The following SPAST variants were observed in gnomAD, a reference collection of about 807,000 sequenced individuals.
SPAST encodes spastin, also known as spastic paraplegia 4 (autosomal dominant; spastin).
A neutral mutation model predicts 76.6 loss-of-function variants in SPAST; 30 were observed. The ratio of observed to expected loss-of-function variants is 0.39; its 90% CI spans 0.29 to 0.53. The LOEUF (loss-of-function observed/expected upper bound fraction) is 0.53, where lower values mean the gene tolerates loss of function less well. Among genes scored for constraint, SPAST ranks in the 20% least tolerant of loss-of-function variants. The probability of loss-of-function intolerance (pLI) is 0.68; values close to 1 mark genes in which losing one functional copy is unlikely to be tolerated. For missense variants in SPAST, 717 were observed against 770.5 expected (o/e 0.93, Z 0.82); for synonymous variants, 305 against 281.0 (o/e 1.09, Z -0.86).
At chr2:32,069,551 CTT>C (rs36023742) in intron 1 of SPAST, among the ~76,000 whole-genome samples, 2 of 139,612 alleles carry the variant, frequency 1.4e-5, no homozygotes, top group African/African-American at 2.6e-5. Context: ...CATGACTTAT[CTT>C]TTTTTTTTTT....
At position 32,137,118 on chromosome 2, in the gene SPAST, G is replaced by A. The variant is rs1258384624; in HGVS notation, c.1423G>A (p.Ala475Thr). Residue 475 changes from alanine (A) to threonine (T), a missense_variant, in exon 12 of 17, where the codon GCT (alanine) becomes ACT (threonine). Physicochemically the swap from Ala to Thr is moderately conservative, Grantham distance 58. Coordinates refer to ENST00000315285, the MANE Select transcript of SPAST (RefSeq NM_014946.4). Reference protein sequence around the residue: ...FLIEFDGVQSAGDDRVLVMGA... With the variant: ...FLIEFDGVQSTGDDRVLVMGA... ...GATTTTTTGCTTGTAGGTACAGTCT[G>A]CTGGAGATGACAGAGTACTTGTAAT... 2 of 1,613,614 alleles carry A rather than the reference G, an allele frequency of 1.2e-6. No individual in the cohort carries two copies. Among genetic ancestry groups the A allele is most frequent in the South Asian group, 1.1e-5 (1 of 91,070 alleles).
At chr2:32,137,433 G>A (rs1332014971) in intron 12 of SPAST, among the ~76,000 whole-genome samples, 2 of 152,146 alleles carry the variant, frequency 1.3e-5, no homozygotes, top group Non-Finnish European at 2.9e-5. Flanking sequence ...CTTCTGGGTT[G>A]CATTAAATTA....
chr2:32,083,750 C>CTTTTTT (rs1677344896), intron 1 of SPAST, among the ~76,000 whole-genome samples: 1 of 62,870 alleles, frequency 1.6e-5, no homozygotes, highest in African/African-American at 6.3e-5. Context: ...TTTATATATA[C>CTTTTTT]TATATATATA....
intron 7 of SPAST, among the ~76,000 whole-genome samples, chr2:32,119,218 A>G (rs939714214): frequency 1.3e-5 from 2 of 152,162 alleles, no homozygotes; most frequent in African/African-American, 4.8e-5. Flanking sequence ...AGGGAATATT[A>G]TTGTCCTAGC....
chr2:32,064,366 T>C (rs1676424788), intron 1 of SPAST, 120 bp downstream of exon 1: 1 of 936,896 alleles, frequency 1.1e-6, no homozygotes. Flanking sequence ...CCGGAATTGA[T>C]ATGCCCCGGG....
chr2:32,095,493 A>G (rs1677881491), intron 3 of SPAST, among the ~76,000 whole-genome samples: 1 of 151,708 alleles, frequency 6.6e-6, no homozygotes. Flanking sequence ...GCACTTTGGG[A>G]GGTTGAGTCG....
At chr2:32,120,624 T>C (rs1558327322) in intron 7 of SPAST, among the ~76,000 whole-genome samples, 3 of 151,642 alleles carry the variant, frequency 2.0e-5, no homozygotes, top group Non-Finnish European at 4.4e-5. Flanking sequence ...CACCTTCTTC[T>C]TTTCATTCGA....
chr2:32,139,645 T>G (rs912400637), intron 12 of SPAST, among the ~76,000 whole-genome samples: 2 of 151,662 alleles, frequency 1.3e-5, no homozygotes, highest in Non-Finnish European at 2.9e-5. Context: ...CTGACCAACA[T>G]GGTGAAACCC....
intron 3 of SPAST, among the ~76,000 whole-genome samples, chr2:32,097,987 T>G (rs1677985158): frequency 6.6e-6 from 1 of 152,000 alleles, no homozygotes; most frequent in Admixed American, 6.6e-5. Context: ...CGTGAGCCAC[T>G]GCGCCTGGCT....
chr2:32,103,841 G>A (rs974471354), intron 4 of SPAST, among the ~76,000 whole-genome samples: 1 of 152,054 alleles, frequency 6.6e-6, no homozygotes, highest in Admixed American at 6.6e-5. Flanking sequence ...ACAGTTTGTT[G>A]TAATTTCTGT....
chr2:32,119,766 A>G (rs1421023741), intron 7 of SPAST, among the ~76,000 whole-genome samples: 1 of 152,212 alleles, frequency 6.6e-6, no homozygotes, highest in East Asian at 1.9e-4. Context: ...GTAAGACTAC[A>G]TTTTAAAGTA....
intron 1 of SPAST, among the ~76,000 whole-genome samples, chr2:32,085,184 T>A (rs1330557225): frequency 2.0e-5 from 3 of 149,892 alleles, no homozygotes; most frequent in Non-Finnish European, 4.4e-5. Flanking sequence ...AAACTCTTAA[T>A]AATTTCTTTT....
At chr2:32,135,210 A>G (rs1679497832) in intron 9 of SPAST, among the ~76,000 whole-genome samples, 1 of 149,644 alleles carries the variant, frequency 6.7e-6, no homozygotes, top group African/African-American at 2.5e-5. Flanking sequence ...GCTCACTGCA[A>G]GCTCCACCTC....
intron 4 of SPAST, among the ~76,000 whole-genome samples, chr2:32,107,986 C>T (rs1678389309): frequency 6.6e-6 from 1 of 152,060 alleles, no homozygotes; most frequent in Non-Finnish European, 1.5e-5. Context: ...TATACATTGT[C>T]CAATTTTCTA....
intron 3 of SPAST, among the ~76,000 whole-genome samples, chr2:32,095,774 T>TA (rs1441750240): frequency 6.6e-6 from 1 of 151,914 alleles, no homozygotes; most frequent in Non-Finnish European, 1.5e-5. Context: ...TGAGAAAAGA[T>TA]ATGTCAGGAA....
At chr2:32,116,547 C>T (rs1678842838) in intron 7 of SPAST, among the ~76,000 whole-genome samples, 1 of 152,108 alleles carries the variant, frequency 6.6e-6, no homozygotes, top group African/African-American at 2.4e-5. Flanking sequence ...CTCACTGCAA[C>T]CTCTGCGTCC....
chr2:32,148,597 CAGG>C (rs1679971928), intron 16 of SPAST, among the ~76,000 whole-genome samples: 1 of 152,098 alleles, frequency 6.6e-6, no homozygotes, highest in Admixed American at 6.5e-5. Context: ...ATCACGAGGT[CAGG>C]AGATCGAGAC....
At position 32,072,408 on chromosome 2, in the gene SPAST, G is replaced by A. The variant is rs558946898; in HGVS notation, c.415+8162G>A. Among the ~76,000 whole-genome samples, 435 of 152,196 alleles carry A rather than the reference G, an allele frequency of 2.9e-3. 3 individuals carry two copies. Among genetic ancestry groups the A allele is most frequent in the Non-Finnish European group, 4.1e-3 (280 of 68,022 alleles). On this transcript the variant is annotated intron_variant, in intron 1 of 16. Coordinates refer to ENST00000315285, the MANE Select transcript of SPAST (RefSeq NM_014946.4). ...TGATGCTGTACTAGAGTCAGGCTGG[G>A]AATTTGGCGTCTTATTGCTACAAAA... is the stretch of plus-strand genomic sequence containing the variant.
Position 32,147,082 on chromosome 2 carries a change from A to G in SPAST, c.1688-136A>G. 4.7e-6 allele frequency: 3 copies of G among 644,380 alleles called. No individual in the cohort carries two copies. The South Asian group carries it at 5.6e-5, about 12-fold the overall frequency. 39.9% of individuals were successfully genotyped at this position (644,380 alleles called of 1,614,324 possible). ...TAAATTGTATTTGCTCTCAAAGTTAACATGTGTCTCTTTTTTTTAATATAA... is the reference window on the plus strand; with the variant it reads ...TAAATTGTATTTGCTCTCAAAGTTAGCATGTGTCTCTTTTTTTTAATATAA... On this transcript the variant is annotated intron_variant, in intron 15 of 16. Coordinates refer to ENST00000315285, the MANE Select transcript of SPAST (RefSeq NM_014946.4).
Sources: allele counts gnomAD v4.1 joint callset (sites outside exome capture counted in the v4.1 genomes callset), GRCh38; gene constraint gnomAD v4.1.1; transcripts MANE v1.5; gene names NCBI Gene and HGNC (gene_info 2026-07-23, HGNC 2026-07-21).